The following UBXN2A variants were observed in gnomAD, a reference collection of about 807,000 sequenced individuals.
The protein encoded by UBXN2A is UBX domain protein 2A.
UBXN2A carries 28 observed loss-of-function variants against 28.4 expected under a neutral mutation model. The observed-to-expected ratio is 0.99, with a 90% CI of 0.73 to 1.35. UBXN2A has a LOEUF of 1.35. Ranked by LOEUF, UBXN2A falls within the 40% of genes most tolerant of loss-of-function variation. The pLI is 0.00. For synonymous variants in UBXN2A, 97 were observed against 103.6 expected (o/e 0.94, Z 0.39); for missense variants, 253 against 297.9 (o/e 0.85, Z 1.11).
intron 4 of UBXN2A, among the ~76,000 whole-genome samples, chr2:23,982,202 A>G (rs1707937530): frequency 7.1e-6 from 1 of 140,974 alleles, no homozygotes; most frequent in African/African-American, 2.5e-5. Context: ...TACTAAAAAT[A>G]CCAAAAAAAA....
chr2:23,953,388 C>G (rs1481314402), intron 1 of UBXN2A, among the ~76,000 whole-genome samples: 1 of 152,088 alleles, frequency 6.6e-6, no homozygotes, highest in East Asian at 1.9e-4. Context: ...CATCCACTCC[C>G]CAATCCACTT....
chr2:23,961,778 C>T (rs899076847), intron 2 of UBXN2A, among the ~76,000 whole-genome samples: 7 of 150,828 alleles, frequency 4.6e-5, no homozygotes, highest in East Asian at 1.9e-4. Context: ...TATCTCTTGA[C>T]GTCATGATCT....
intron 6 of UBXN2A, among the ~76,000 whole-genome samples, chr2:23,999,292 A>G (rs562525960): frequency 6.6e-6 from 1 of 152,336 alleles, no homozygotes; most frequent in Non-Finnish European, 1.5e-5. Context: ...TAACAGTAGT[A>G]ATTCATAGTA....
At chr2:23,931,930 G>A (rs543654082) in intron 1 of UBXN2A, among the ~76,000 whole-genome samples, 4 of 151,918 alleles carry the variant, frequency 2.6e-5, no homozygotes, top group African/African-American at 9.7e-5. Context: ...AGAATCACTT[G>A]AACCCAGGAG....
chr2:23,935,400 C>T (rs74704838), intron 1 of UBXN2A, among the ~76,000 whole-genome samples: 2 of 151,420 alleles, frequency 1.3e-5, no homozygotes, highest in East Asian at 3.9e-4. Context: ...ACAACAACAA[C>T]AAAAAAAACC....
chr2:23,994,535 G>A (rs943319544), intron 6 of UBXN2A, among the ~76,000 whole-genome samples: 20 of 151,834 alleles, frequency 1.3e-4, no homozygotes, highest in Admixed American at 1.1e-3. Context: ...ACCTGTCTTC[G>A]AGTTCAGTAA....
At chr2:23,940,438 C>G (rs906989283), upstream of UBXN2A, 2 of 150,386 alleles carry the variant, frequency 1.3e-5, no homozygotes, top group Non-Finnish European at 1.5e-5. Context: ...CTCCTCGGGT[C>G]TGCGCGGAGC....
intron 1 of UBXN2A, among the ~76,000 whole-genome samples, chr2:23,953,030 G>A (rs1706450678): frequency 6.7e-6 from 1 of 149,206 alleles, no homozygotes; most frequent in African/African-American, 2.5e-5. Context: ...ATAGTCATTA[G>A]TTTAAATGTG....
intron 1 of UBXN2A, among the ~76,000 whole-genome samples, chr2:23,941,239 A>G (rs1464923786): frequency 6.6e-6 from 1 of 152,110 alleles, no homozygotes; most frequent in East Asian, 1.9e-4. Context: ...GTAATTTGAG[A>G]TAAGTAAAGA....
intron 1 of UBXN2A, among the ~76,000 whole-genome samples, chr2:23,930,079 G>A (rs534217899): frequency 1.3e-5 from 2 of 152,078 alleles, no homozygotes; most frequent in Non-Finnish European, 2.9e-5. Flanking sequence ...TAGTAGAGAC[G>A]AGGTTTCACC....
At chr2:23,990,540 C>T (rs12466599) in intron 6 of UBXN2A, among the ~76,000 whole-genome samples, 43 of 48,084 alleles carry the variant, frequency 8.9e-4, no homozygotes, top group Admixed American at 2.1e-3. Context: ...GCCGGGGGGG[C>T]GGGGGGGCGG....
At chr2:23,991,408 C>T (rs1199209935) in intron 6 of UBXN2A, among the ~76,000 whole-genome samples, 4 of 136,610 alleles carry the variant, frequency 2.9e-5, no homozygotes, top group South Asian at 2.2e-4. Context: ...TTATTTTATA[C>T]ACACACACAC....
chr2:23,989,491 G>A (rs771994227), intron 6 of UBXN2A, among the ~76,000 whole-genome samples: 3 of 151,456 alleles, frequency 2.0e-5, no homozygotes, highest in South Asian at 2.1e-4. Context: ...GGACTCAAGC[G>A]ATCCACCTGC....
At chr2:23,974,037 C>T (rs1180061605) in intron 3 of UBXN2A, among the ~76,000 whole-genome samples, 40 of 131,190 alleles carry the variant, frequency 3.0e-4, no homozygotes, top group South Asian at 2.5e-3. Context: ...TTTTTTGAGA[C>T]GGAGTCTCGC....
chr2:23,974,677 T>C (rs114733210), intron 3 of UBXN2A, among the ~76,000 whole-genome samples: 4,478 of 152,222 alleles, frequency 0.029, 92 homozygotes, highest in South Asian at 0.054. Context: ...AATAAGACTT[T>C]TAGAAAATTG....
chr2:23,970,120 C>T (rs1488481593), intron 2 of UBXN2A, among the ~76,000 whole-genome samples: 2 of 152,028 alleles, frequency 1.3e-5, no homozygotes, highest in Non-Finnish European at 2.9e-5. Flanking sequence ...AGTGAAATCC[C>T]ATCTCTACAA....
At chr2:23,962,186 T>C (rs1000641296) in intron 2 of UBXN2A, among the ~76,000 whole-genome samples, 4 of 152,174 alleles carry the variant, frequency 2.6e-5, no homozygotes, top group Non-Finnish European at 5.9e-5. Context: ...TCAAAGGTTA[T>C]AAATGGTGAA....
Position 24,002,130 on chromosome 2 carries a change from T to TG in UBXN2A, c.*2264dup, listed in dbSNP as rs2150931018. ...TATCTATAAAAATTACAAAAATTAG[T>TG]GCAGTAGCTCACACCTGTAATCCCA... is the stretch of plus-strand genomic sequence containing the variant. On this transcript the variant is annotated 3_prime_UTR_variant, in exon 7 of 7. Transcript: ENST00000309033. The TG allele has an allele frequency of 6.6e-6, 1 of 151,474 alleles. No individual in the cohort carries two copies. Among genetic ancestry groups the TG allele is most frequent in the Non-Finnish European group, 1.5e-5 (1 of 67,804 alleles). 9.4% of individuals were successfully genotyped at this position (151,474 alleles called of 1,614,324 possible).
At chr2:23,936,261 T>C (rs777386177), upstream of UBXN2A, among the ~76,000 whole-genome samples, 1 of 152,156 alleles carries the variant, frequency 6.6e-6, no homozygotes, top group Non-Finnish European at 1.5e-5. Flanking sequence ...TGGAATCTTA[T>C]TCAACCATAA....
Sources: allele counts gnomAD v4.1 joint callset (sites outside exome capture counted in the v4.1 genomes callset), GRCh38; gene constraint gnomAD v4.1.1; transcripts MANE v1.5; gene names NCBI Gene and HGNC (gene_info 2026-07-23, HGNC 2026-07-21).